PIKFYVE: variants seen among roughly 807,000 people sequenced by gnomAD.
PIKFYVE encodes the protein phosphoinositide kinase, FYVE-type zinc finger containing.
Under a neutral mutation model 257.9 loss-of-function variants are expected in PIKFYVE, and 122 were observed. The ratio of observed to expected loss-of-function variants is 0.47; its 90% confidence interval spans 0.41 to 0.55. The LOEUF is 0.55. PIKFYVE is among the 20% of genes least tolerant of loss of function. PIKFYVE has a pLI of 0.00. For synonymous variants in PIKFYVE, 892 were observed against 868.9 expected (o/e 1.03, Z -0.47); for missense variants, 2,160 against 2,536.6 (o/e 0.85, Z 3.19).
chr2:208,299,800 C>G (rs1693463221), intron 8 of PIKFYVE, among the ~76,000 whole-genome samples: 2 of 152,126 alleles, frequency 1.3e-5, no homozygotes, highest in South Asian at 4.1e-4. Flanking sequence ...GTGTTCAATT[C>G]TAAGAGTGAC....
chr2:208,346,123 A>G lies in PIKFYVE; in HGVS notation c.5185A>G (p.Thr1729Ala), dbSNP rs1483525703. Residue 1729 changes from threonine (T) to alanine (A), a missense_variant, in exon 34 of 42, where the codon ACA becomes GCA. Thr to Ala is a moderately conservative substitution (Grantham distance 58). Around this residue, in one of 12 missense-constraint regions of PIKFYVE, gnomAD observed 699 missense variants for 855.8 expected, o/e 0.82. Transcript: ENST00000264380. ...PEMSGGQTNR[T>A]TETEPQPTKK... is the part of the protein sequence containing the mutation. ...AATGAGTGGAGGACAGACAAATCGT[A>G]CAACAGAAACAGAACCACAACCAAG... 6.2e-7 allele frequency: 1 copy of G among 1,612,202 alleles called. No individual in the cohort carries two copies. Among genetic ancestry groups the G allele is most frequent in the South Asian group, 1.1e-5 (1 of 91,034 alleles).
chr2:208,316,679 A>G (rs1202149397), intron 15 of PIKFYVE, among the ~76,000 whole-genome samples: 2 of 152,206 alleles, frequency 1.3e-5, no homozygotes, highest in East Asian at 1.9e-4. Context: ...CGCCAAGTCA[A>G]TCCTAAGCCA....
chr2:208,284,566 T>A (rs1364393687), intron 5 of PIKFYVE, among the ~76,000 whole-genome samples: 1 of 151,200 alleles, frequency 6.6e-6, no homozygotes, highest in Non-Finnish European at 1.5e-5. Flanking sequence ...CGGCCTTAAC[T>A]TTTTTTTATA....
intron 20 of PIKFYVE, among the ~76,000 whole-genome samples, chr2:208,326,657 A>C (rs993411786): frequency 6.6e-6 from 1 of 152,230 alleles, no homozygotes. Flanking sequence ...AGGTGAGCTT[A>C]TAATAAGCTA....
rs1311079757 is a variant in PIKFYVE at position 208,357,055 on chromosome 2, G to A, written c.*1750G>A. 1 of 152,210 alleles carries A rather than the reference G, an allele frequency of 6.6e-6. No individual in the cohort carries two copies. Among genetic ancestry groups the A allele is most frequent in the African/African-American group, 2.4e-5 (1 of 41,444 alleles). The allele number at this position is 152,210 out of a possible 1,614,324, so 9.4% of individuals were successfully genotyped here. On this transcript the variant is annotated 3_prime_UTR_variant, in exon 42 of 42. Transcript: ENST00000264380. ...GGAAGCAAGTTGACCAAGGACTTAT[G>A]ACTAATGTGATGCTAAGTTCCACTT...
chr2:208,294,813 G>A (rs1692756456), intron 7 of PIKFYVE, among the ~76,000 whole-genome samples: 1 of 152,136 alleles, frequency 6.6e-6, no homozygotes, highest in African/African-American at 2.4e-5. Context: ...TCTCCTCAGG[G>A]CAGGACTTGT....
chr2:208,277,424 G>C, intron 4 of PIKFYVE, 113 bp from the exon 5 acceptor site: 1 of 1,165,496 alleles, frequency 8.6e-7, no homozygotes, highest in East Asian at 2.4e-5. Flanking sequence ...ATTCCCATAT[G>C]AATTTTTGAA....
At chr2:208,344,401 A>G (rs567905612) in intron 32 of PIKFYVE, among the ~76,000 whole-genome samples, 1 of 152,054 alleles carries the variant, frequency 6.6e-6, no homozygotes, top group East Asian at 1.9e-4. Context: ...CCTTTATAAG[A>G]TTCCATATGA....
At position 208,335,851 on chromosome 2, in the gene PIKFYVE, T is replaced by C; in HGVS notation, c.4315T>C (p.Phe1439Leu). ...ACTTGCATCTTTGAAAACTGATACA[T>C]TTAGTAAAACAAGAGAGGAAAAAAT... is the stretch of plus-strand genomic sequence containing the variant. ...ERLASLKTDT[F>L]SKTREEKMED... The change falls in exon 26 of 42, where the codon TTT (phenylalanine) becomes CTT (leucine). Residue 1439 changes from phenylalanine to leucine, a missense_variant. Physicochemically the swap from Phe to Leu is conservative, Grantham distance 22. Around this residue, in one of 12 missense-constraint regions of PIKFYVE, gnomAD observed 699 missense variants for 855.8 expected, o/e 0.82. Transcript: ENST00000264380. The C allele has an allele frequency of 6.2e-7, 1 of 1,613,128 alleles. No individual in the cohort carries two copies. The highest frequency in any genetic ancestry group is 1.1e-5 in the South Asian group (1 of 90,948).
At chr2:208,266,877 C>G (rs367838159) in intron 1 of PIKFYVE, among the ~76,000 whole-genome samples, 49 of 152,332 alleles carry the variant, frequency 3.2e-4, no homozygotes, top group Middle Eastern at 3.4e-3. Flanking sequence ...AAATGCTTGC[C>G]TCTGCTATTT....
intron 15 of PIKFYVE, among the ~76,000 whole-genome samples, chr2:208,317,006 G>C: frequency 6.6e-6 from 1 of 151,686 alleles, no homozygotes. Context: ...AGACTTAAAC[G>C]TTAGACCTAA....
intron 7 of PIKFYVE, among the ~76,000 whole-genome samples, chr2:208,293,860 T>G (rs1249133286): frequency 1.3e-5 from 2 of 152,084 alleles, no homozygotes; most frequent in African/African-American, 4.8e-5. Flanking sequence ...TTTTTGACTT[T>G]CTGCCATTTG....
chr2:208,343,794 A>G (rs1698956504), intron 32 of PIKFYVE, among the ~76,000 whole-genome samples: 1 of 151,846 alleles, frequency 6.6e-6, no homozygotes, highest in African/African-American at 2.4e-5. Context: ...TATCCACTGT[A>G]AAAATATATA....
chr2:208,290,703 A>G (rs916892025), intron 7 of PIKFYVE, among the ~76,000 whole-genome samples: 2 of 152,168 alleles, frequency 1.3e-5, no homozygotes, highest in African/African-American at 4.8e-5. Flanking sequence ...ACTTTTTTCC[A>G]AAGTGGTTTT....
chr2:208,354,263 C>G lies in PIKFYVE; in HGVS notation c.6106+104C>G, dbSNP rs970455047. 46 of 1,384,484 alleles carry G rather than the reference C, an allele frequency of 3.3e-5. No individual in the cohort carries two copies. In the African/African-American group the frequency reaches 4.5e-4, roughly 14 times the overall value. 85.8% of individuals were successfully genotyped at this position (1,384,484 alleles called of 1,614,324 possible). A position where few individuals can be genotyped will look rare whatever the true frequency, so the allele number is the denominator to read the frequency against. ...AATAATAGCTTATTGAATATTTTCA[C>G]AAACTTTCATTTGAAATTTCAAAAA... is the stretch of plus-strand genomic sequence containing the variant. On this transcript the variant is annotated intron_variant, in intron 40 of 41. Coordinates refer to ENST00000264380, the MANE Select transcript of PIKFYVE (RefSeq NM_015040.4).
chr2:208,342,768 A>G, intron 32 of PIKFYVE, 119 bp downstream of exon 32: 1 of 653,964 alleles, frequency 1.5e-6, no homozygotes, highest in Admixed American at 2.3e-5. Context: ...GCAAAAATAT[A>G]TGTTCTTTAG....
Position 208,336,817 on chromosome 2 carries a change from ATT to A in PIKFYVE, c.4521-16_4521-15del. The A allele has an allele frequency of 6.6e-7, 1 of 1,522,712 alleles. No homozygotes were observed. The highest frequency in any genetic ancestry group is 9.1e-7 in the Non-Finnish European group (1 of 1,098,596). The allele number at this position is 1,522,712 out of a possible 1,614,324, so 94.3% of individuals were successfully genotyped here. A position where few individuals can be genotyped will look rare whatever the true frequency, so the allele number is the denominator to read the frequency against. ...CTAGAAACAAACCATATATATATATATTTTTTGCTTTTGGCCACAGGTTGCAG... is the reference window on the plus strand; with the variant it reads ...CTAGAAACAAACCATATATATATATATTTTGCTTTTGGCCACAGGTTGCAG... On this transcript the variant is annotated intron_variant, in intron 27 of 41. Coordinates refer to ENST00000264380, the MANE Select transcript of PIKFYVE (RefSeq NM_015040.4).
At chr2:208,283,796 C>G (rs1420269582) in intron 5 of PIKFYVE, among the ~76,000 whole-genome samples, 1 of 152,180 alleles carries the variant, frequency 6.6e-6, no homozygotes, top group African/African-American at 2.4e-5. Context: ...GTAGCCTAGG[C>G]TGGTCTCAAA....
chr2:208,278,969 T>C (rs1247917934), intron 5 of PIKFYVE, among the ~76,000 whole-genome samples: 2 of 152,222 alleles, frequency 1.3e-5, no homozygotes, highest in East Asian at 3.8e-4. Flanking sequence ...TTAAGCTCTT[T>C]GAGAAATCTT....
Sources: gnomAD v4.1 joint callset for allele counts (sites outside exome capture counted in the v4.1 genomes callset) on GRCh38, gnomAD v4.1.1 for gene constraint, gnomAD v4.1.1 regional missense constraint, MANE v1.5 for transcripts, NCBI Gene and HGNC (gene_info 2026-07-23, HGNC 2026-07-21) for gene names.